GLIS3: variants seen among roughly 807,000 people sequenced by gnomAD.
GLIS3 encodes GLIS family zinc finger 3, also known as zinc finger protein GLIS3.
A neutral mutation model predicts 78.6 loss-of-function variants in GLIS3; 53 were observed. That is an observed-to-expected ratio of 0.67 (90% confidence interval 0.54 to 0.85). The LOEUF (loss-of-function observed/expected upper bound fraction) is 0.85, where lower values mean the gene tolerates loss of function less well. Ranked by LOEUF, GLIS3 falls within the 40% of genes least tolerant of loss-of-function variation. GLIS3 has a pLI of 0.00. For synonymous variants in GLIS3, 684 were observed against 509.9 expected, an observed-to-expected ratio of 1.34 and a Z score of -4.60; for missense variants, 1,703 against 1,231.1, an observed-to-expected ratio of 1.38 and a Z score of -5.74.
At chr9:4,348,955 T>C (rs553295914), upstream of GLIS3, among the ~76,000 whole-genome samples, 3 of 152,230 alleles carry the variant, frequency 2.0e-5, no homozygotes, top group African/African-American at 7.2e-5. Context: ...AGGAAACATA[T>C]ATTACATTTG....
chr9:4,362,911 G>C, the GLIS3 span, among the ~76,000 whole-genome samples: 2 of 152,100 alleles, frequency 1.3e-5, no homozygotes, highest in Non-Finnish European at 2.9e-5. Context: ...AGGAGTTAGA[G>C]GGAGGAAGGA....
chr9:4,125,671 G>T, intron 3 of GLIS3, 63 bp downstream of exon 3: 19 of 1,087,146 alleles, frequency 1.7e-5, no homozygotes, highest in Non-Finnish European at 2.5e-5. Context: ...GAAAGAGAAC[G>T]GAAAACACTT....
rs1224757260 is a variant in GLIS3 at position 3,828,406 on chromosome 9, A to G, written c.2659T>C (p.Tyr887His). Reference sequence around the variant, plus strand: ...CTCGAGGAACTTGAAGGTAAATCATACACTGGAAGAGAAAGAACGCAGTTA... The same window carrying G: ...CTCGAGGAACTTGAAGGTAAATCATGCACTGGAAGAGAAAGAACGCAGTTA... ...AFSTHSGITV[Y>H]DLPSSSSSLF... The change falls in exon 11 of 11, where the codon TAT becomes CAT. Residue 887 changes from tyrosine (Y) to histidine (H), a missense_variant and splice_region_variant. Tyr to His is a moderately conservative substitution (Grantham distance 83). Transcript: ENST00000381971. 5 of 1,612,932 alleles carry G rather than the reference A, an allele frequency of 3.1e-6. No homozygotes were observed. Among genetic ancestry groups the G allele is most frequent in the Middle Eastern group, 3.8e-4 (2 of 5,246 alleles).
chr9:4,311,805 G>C (rs1345278692), intron 2 of GLIS3, among the ~76,000 whole-genome samples: 2 of 152,240 alleles, frequency 1.3e-5, no homozygotes, highest in African/African-American at 4.8e-5. Flanking sequence ...AGGGAAAGTG[G>C]TTAGGTGACA....
chr9:3,980,008 T>C (rs1027499009), intron 4 of GLIS3, among the ~76,000 whole-genome samples: 38 of 152,020 alleles, frequency 2.5e-4, no homozygotes, highest in African/African-American at 8.7e-4. Context: ...ACTTGCCGTT[T>C]AGGAGTCTGG....
chr9:4,194,127 G>T (rs886122751), intron 2 of GLIS3, among the ~76,000 whole-genome samples: 2 of 151,980 alleles, frequency 1.3e-5, no homozygotes, highest in African/African-American at 4.8e-5. Context: ...GTGCGATCTC[G>T]GCTCTCTGCA....
At chr9:4,002,270 C>G (rs1821171999) in intron 4 of GLIS3, among the ~76,000 whole-genome samples, 1 of 152,174 alleles carries the variant, frequency 6.6e-6, no homozygotes, top group South Asian at 2.1e-4. Flanking sequence ...GAAACAGATT[C>G]TTCCTTCAGA....
chr9:4,381,527 G>C, the GLIS3 span, among the ~76,000 whole-genome samples: 1 of 152,158 alleles, frequency 6.6e-6, no homozygotes, highest in Admixed American at 6.5e-5. Flanking sequence ...TACTCACAAA[G>C]CCTTACAGGT....
the GLIS3 span, among the ~76,000 whole-genome samples, chr9:4,405,523 C>A: frequency 6.6e-6 from 1 of 151,976 alleles, no homozygotes; most frequent in African/African-American, 2.4e-5. Flanking sequence ...AAGATTGAAT[C>A]AGGAAGAAAT....
At chr9:4,228,627 T>G (rs902090748) in intron 2 of GLIS3, among the ~76,000 whole-genome samples, 7 of 152,236 alleles carry the variant, frequency 4.6e-5, no homozygotes, top group Non-Finnish European at 8.8e-5. Flanking sequence ...TACAAAGTGC[T>G]TCTTAATCCC....
chr9:4,365,304 T>G, the GLIS3 span, among the ~76,000 whole-genome samples: 1 of 152,158 alleles, frequency 6.6e-6, no homozygotes, highest in African/African-American at 2.4e-5. Flanking sequence ...GGCTCATGCC[T>G]GTAATCACTT....
the GLIS3 span, among the ~76,000 whole-genome samples, chr9:4,445,791 C>T: frequency 3.3e-5 from 5 of 152,130 alleles, no homozygotes; most frequent in East Asian, 7.7e-4. Flanking sequence ...AGTACACACC[C>T]CACTATGAGG....
chr9:3,866,143 C>G (rs1313068204), intron 8 of GLIS3, among the ~76,000 whole-genome samples: 2 of 152,212 alleles, frequency 1.3e-5, no homozygotes, highest in African/African-American at 4.8e-5. Flanking sequence ...ATTCATTTCA[C>G]AAAATTCCTT....
intron 2 of GLIS3, among the ~76,000 whole-genome samples, chr9:4,312,862 A>C (rs918935829): frequency 1.3e-5 from 2 of 152,274 alleles, no homozygotes; most frequent in East Asian, 1.9e-4. Flanking sequence ...TCAGGTGCTT[A>C]CTCAGGCCAG....
At chr9:3,845,154 A>G (rs1203091177) in intron 9 of GLIS3, among the ~76,000 whole-genome samples, 1 of 152,180 alleles carries the variant, frequency 6.6e-6, no homozygotes. Flanking sequence ...GAAAAAGTAA[A>G]AAATGAAAAA....
intron 6 of GLIS3, among the ~76,000 whole-genome samples, chr9:3,919,186 T>A (rs1238012775): frequency 6.6e-6 from 1 of 152,184 alleles, no homozygotes; most frequent in Non-Finnish European, 1.5e-5. Context: ...GAGGCCACTA[T>A]AGAATTCATG....
At chr9:3,979,688 G>C (rs916959877) in intron 4 of GLIS3, among the ~76,000 whole-genome samples, 1 of 152,064 alleles carries the variant, frequency 6.6e-6, no homozygotes, top group Non-Finnish European at 1.5e-5. Flanking sequence ...ATGGATGTCT[G>C]GTACCTGTTT....
At chr9:4,266,483 A>G (rs539998093) in intron 2 of GLIS3, among the ~76,000 whole-genome samples, 6 of 152,202 alleles carry the variant, frequency 3.9e-5, no homozygotes, top group African/African-American at 1.4e-4. Flanking sequence ...TTCTTCTCCT[A>G]TAATTAGGAA....
chr9:3,956,748 C>G (rs185887895), intron 4 of GLIS3, among the ~76,000 whole-genome samples: 5 of 152,294 alleles, frequency 3.3e-5, no homozygotes, highest in African/African-American at 1.2e-4. Flanking sequence ...AATCCTCAAA[C>G]AGTAATTTCA....
Sources: allele counts gnomAD v4.1 joint callset (sites outside exome capture counted in the v4.1 genomes callset), GRCh38; gene constraint gnomAD v4.1.1; transcripts MANE v1.5; gene names NCBI Gene and HGNC (gene_info 2026-07-23, HGNC 2026-07-21).